The following DPP10 variants were observed in gnomAD, a reference collection of about 807,000 sequenced individuals.
DPP10 encodes the protein inactive dipeptidyl peptidase 10.
A neutral mutation model predicts 120.9 loss-of-function variants in DPP10; 33 were observed. The ratio of observed to expected loss-of-function variants is 0.27; its 90% confidence interval spans 0.21 to 0.37. The LOEUF is 0.37. Ranked by LOEUF, DPP10 falls within the 10% of genes least tolerant of loss-of-function variation. The pLI, the probability that DPP10 is intolerant of heterozygous loss-of-function variation, is 1.00. For synonymous variants in DPP10, 337 were observed against 326.1 expected (o/e 1.03, Z -0.36); for missense variants, 816 against 942.8 (o/e 0.87, Z 1.76).
chr2:115,833,006 T>G (rs182166774), intron 21 of DPP10, among the ~76,000 whole-genome samples: 19 of 152,286 alleles, frequency 1.2e-4, no homozygotes, highest in East Asian at 7.7e-4. Context: ...TGAATCTGTA[T>G]GCTGACAACA....
chr2:115,635,419 G>A (rs766946535), intron 5 of DPP10, among the ~76,000 whole-genome samples: 8 of 152,092 alleles, frequency 5.3e-5, no homozygotes, highest in Non-Finnish European at 8.8e-5. Context: ...ATCACTCACC[G>A]CCTCCCTCGG....
chr2:115,154,517 A>G (rs1355732869), intron 1 of DPP10, among the ~76,000 whole-genome samples: 1 of 152,220 alleles, frequency 6.6e-6, no homozygotes, highest in Non-Finnish European at 1.5e-5. Context: ...TAATTCCTAC[A>G]TGTCAAGTAG....
Position 114,797,413 on chromosome 2 carries a change from G to C in DPP10, c.60+354575G>C, listed in dbSNP as rs186940189. 2.6e-5 allele frequency among the ~76,000 whole-genome samples: 4 copies of C among 152,292 alleles called. No individual in the cohort carries two copies. In the East Asian group the frequency reaches 7.7e-4, roughly 29 times the overall value. On this transcript the variant is annotated intron_variant, in intron 1 of 25. Transcript: ENST00000410059. ...CTCCCTGGGTGATCTTGGGCAAGGT[G>C]CTGAACTACTGTAAGCCTCAATTCT...
At chr2:114,538,274 G>C (rs1210017800) in intron 1 of DPP10, among the ~76,000 whole-genome samples, 1 of 152,148 alleles carries the variant, frequency 6.6e-6, no homozygotes. Context: ...GAAGAAAGAA[G>C]AGGAAAGGAA....
intron 1 of DPP10, among the ~76,000 whole-genome samples, chr2:114,637,306 TTGA>T (rs1695372429): frequency 6.6e-6 from 1 of 151,974 alleles, no homozygotes; most frequent in African/African-American, 2.4e-5. Flanking sequence ...GTTTACAAGA[TTGA>T]AGACTTTAGG....
chr2:114,600,688 TC>T (rs1343240916), intron 1 of DPP10, among the ~76,000 whole-genome samples: 1 of 151,882 alleles, frequency 6.6e-6, no homozygotes, highest in Non-Finnish European at 1.5e-5. Flanking sequence ...GTGTTTAATG[TC>T]CCAGTAATAA....
At chr2:115,511,521 G>A (rs997819579) in intron 4 of DPP10, among the ~76,000 whole-genome samples, 5 of 151,452 alleles carry the variant, frequency 3.3e-5, no homozygotes, top group African/African-American at 1.2e-4. Flanking sequence ...GAAACTCTCA[G>A]CCTTATTCAT....
chr2:114,567,396 G>C (rs1689284627), intron 1 of DPP10, among the ~76,000 whole-genome samples: 1 of 152,130 alleles, frequency 6.6e-6, no homozygotes, highest in South Asian at 2.1e-4. Flanking sequence ...GAGATAGGGA[G>C]TTATTCTGGT....
chr2:115,222,866 C>T (rs1046482437), intron 1 of DPP10, among the ~76,000 whole-genome samples: 1 of 152,008 alleles, frequency 6.6e-6, no homozygotes, highest in East Asian at 1.9e-4. Context: ...ATTCCACTGA[C>T]TTTTTTTTCT....
chr2:114,665,165 G>C (rs545302378), intron 1 of DPP10, among the ~76,000 whole-genome samples: 1 of 152,306 alleles, frequency 6.6e-6, no homozygotes, highest in South Asian at 2.1e-4. Context: ...AAGTATATTT[G>C]AATGTTGCCA....
chr2:114,998,444 A>G (rs532036745), intron 1 of DPP10, among the ~76,000 whole-genome samples: 1 of 152,288 alleles, frequency 6.6e-6, no homozygotes, highest in East Asian at 1.9e-4. Context: ...GTTGCAAGTA[A>G]TAATTTTTTA....
At chr2:115,233,523 C>T (rs1178809687) in intron 1 of DPP10, among the ~76,000 whole-genome samples, 3 of 152,090 alleles carry the variant, frequency 2.0e-5, no homozygotes, top group African/African-American at 7.2e-5. Context: ...AAGACCTGTT[C>T]TTTTCCCATC....
In DPP10 at chr2:115,381,183, C is replaced by T. The variant is rs572071180; in HGVS notation, c.271+37271C>T. Among the ~76,000 whole-genome samples the T allele has an allele frequency of 9.3e-4, 141 of 152,284 alleles. 2 individuals carry two copies. In the South Asian group the frequency reaches 0.027, roughly 29 times the overall value. On this transcript the variant is annotated intron_variant, in intron 3 of 25. Transcript: ENST00000410059. ...GGTTCCATTCTCCCCGTCACTTTCA[C>T]GTACACCAATCAGTCGTAGATTTGG...
intron 5 of DPP10, among the ~76,000 whole-genome samples, chr2:115,687,485 G>GGATA (rs3043901): frequency 0.22 from 32,307 of 146,828 alleles, 3,580 homozygotes; most frequent in South Asian, 0.25. Flanking sequence ...ATGGATGGAT[G>GGATA]GATAGATAGA....
intron 21 of DPP10, among the ~76,000 whole-genome samples, chr2:115,831,262 A>C (rs961250171): frequency 8.3e-5 from 11 of 133,060 alleles, no homozygotes; most frequent in Admixed American, 1.7e-4. Flanking sequence ...TTCTTTCTTT[A>C]TTTTGAGACG....
chr2:115,103,390 A>T (rs1383115543), intron 1 of DPP10, among the ~76,000 whole-genome samples: 1 of 151,960 alleles, frequency 6.6e-6, no homozygotes, highest in East Asian at 1.9e-4. Flanking sequence ...GGGTTTCACC[A>T]TGTTAGCCAG....
intron 21 of DPP10, among the ~76,000 whole-genome samples, chr2:115,827,410 GTGTGTATATATATA>G (rs1315841488): frequency 4.1e-5 from 4 of 97,252 alleles, no homozygotes; most frequent in Non-Finnish European, 6.3e-5. Flanking sequence ...GTGTATGTGT[GTGTGTATATATATA>G]TATATATATA....
At chr2:115,665,365 G>A (rs1217765747) in intron 5 of DPP10, among the ~76,000 whole-genome samples, 3 of 152,082 alleles carry the variant, frequency 2.0e-5, no homozygotes, top group Admixed American at 1.3e-4. Flanking sequence ...CCATTATTTT[G>A]TATTTTCATG....
At chr2:115,792,229 A>G (rs554663567) in intron 19 of DPP10, among the ~76,000 whole-genome samples, 3 of 152,246 alleles carry the variant, frequency 2.0e-5, no homozygotes, top group South Asian at 2.1e-4. Flanking sequence ...TTCTCTAAAT[A>G]TAAAACAATC....
Sources: allele counts gnomAD v4.1 joint callset (sites outside exome capture counted in the v4.1 genomes callset), GRCh38; gene constraint gnomAD v4.1.1; transcripts MANE v1.5; gene names NCBI Gene and HGNC (gene_info 2026-07-23, HGNC 2026-07-21).